Variants in KIAA0232 observed in about 807,000 individuals in gnomAD.
The protein encoded by KIAA0232 is uncharacterized protein KIAA0232.
In KIAA0232, 27 loss-of-function variants were observed where a neutral mutation model predicts 122.0. The observed-to-expected ratio is 0.22, with a 90% confidence interval of 0.16 to 0.31. KIAA0232 has a LOEUF of 0.31. Among genes scored for constraint, KIAA0232 ranks in the 10% least tolerant of loss-of-function variants. The pLI is 1.00. For synonymous variants in KIAA0232, 613 were observed against 587.6 expected (o/e 1.04, Z -0.63); for missense variants, 1,551 against 1,634.2 (o/e 0.95, Z 0.88).
intron 3 of KIAA0232, among the ~76,000 whole-genome samples, chr4:6,826,997 C>T (rs1276710317): frequency 6.6e-6 from 1 of 152,146 alleles, no homozygotes; most frequent in Non-Finnish European, 1.5e-5. Context: ...ATCCTCCCTC[C>T]AGAGTTCCGG....
intron 2 of KIAA0232, among the ~76,000 whole-genome samples, chr4:6,813,351 G>GTTTT (rs539648260): frequency 7.8e-5 from 11 of 140,700 alleles, no homozygotes; most frequent in Admixed American, 1.4e-4. Context: ...ACTTAGATCT[G>GTTTT]TTTTTTTTTT....
chr4:6,840,014 A>G (rs1197474489), intron 3 of KIAA0232, among the ~76,000 whole-genome samples: 5 of 152,184 alleles, frequency 3.3e-5, no homozygotes, highest in Admixed American at 1.3e-4. Context: ...CTCATTCACA[A>G]GCAACCCAAA....
At chr4:6,783,860 A>T (rs1325405546) in intron 1 of KIAA0232, among the ~76,000 whole-genome samples, 1 of 152,176 alleles carries the variant, frequency 6.6e-6, no homozygotes, top group Non-Finnish European at 1.5e-5. Flanking sequence ...CTTTCCAACA[A>T]TACGCGTCTG....
chr4:6,801,870 C>G lies in KIAA0232; in HGVS notation c.-353-2653C>G, dbSNP rs146136011. On this transcript the variant is annotated intron_variant, in intron 1 of 9. Coordinates refer to ENST00000307659, the MANE Select transcript of KIAA0232 (RefSeq NM_014743.3). ...TTTGTGCATGTGCTGAAATCATACTCTTTTAGCTTTAGAAGTTATTTGTAT... is the reference window on the plus strand; with the variant it reads ...TTTGTGCATGTGCTGAAATCATACTGTTTTAGCTTTAGAAGTTATTTGTAT... Among the ~76,000 whole-genome samples, 777 of 152,266 alleles carry G rather than the reference C, an allele frequency of 5.1e-3. 8 individuals are homozygous for G. The highest frequency in any genetic ancestry group is 8.5e-3 in the Non-Finnish European group (577 of 68,018).
chr4:6,847,466 T>G (rs1720027568), intron 4 of KIAA0232, among the ~76,000 whole-genome samples: 1 of 152,248 alleles, frequency 6.6e-6, no homozygotes, highest in Non-Finnish European at 1.5e-5. Context: ...TGTCAGAATT[T>G]AATTTTATAC....
intron 2 of KIAA0232, among the ~76,000 whole-genome samples, chr4:6,808,525 G>A (rs1036693211): frequency 2.0e-5 from 3 of 149,956 alleles, no homozygotes; most frequent in African/African-American, 7.4e-5. Context: ...AGTACAAGTT[G>A]CTTTACATAA....
intron 2 of KIAA0232, among the ~76,000 whole-genome samples, chr4:6,819,594 TA>T (rs1457639108): frequency 1.3e-5 from 2 of 152,080 alleles, no homozygotes; most frequent in Non-Finnish European, 2.9e-5. Flanking sequence ...CATTAGAAGT[TA>T]AAAAACAGAT....
intron 7 of KIAA0232, among the ~76,000 whole-genome samples, chr4:6,865,456 C>T (rs1308165010): frequency 2.6e-5 from 4 of 152,176 alleles, no homozygotes; most frequent in Admixed American, 6.5e-5. Context: ...TGCGCCACCA[C>T]GCCCGGCTAA....
intron 7 of KIAA0232, among the ~76,000 whole-genome samples, chr4:6,867,070 TG>T (rs1213492824): frequency 7.9e-5 from 12 of 152,398 alleles, no homozygotes; most frequent in Admixed American, 3.3e-4. Context: ...TTTTTCTTTT[TG>T]CTGAAATGGT....
At chr4:6,859,324 C>T (rs7676464) in intron 6 of KIAA0232, among the ~76,000 whole-genome samples, 42,274 of 151,724 alleles carry the variant, frequency 0.28, 7,611 homozygotes, top group Non-Finnish European at 0.4. Context: ...TTTAATCTTT[C>T]GAACCTCTGA....
Position 6,872,197 on chromosome 4 carries a change from T to C in KIAA0232, c.3910+515T>C, listed in dbSNP as rs537639332. On this transcript the variant is annotated intron_variant, in intron 8 of 9. Transcript: ENST00000307659. ...GAGGTTGTCAAGGTCAGATGTTGTT[T>C]AGAACAATTCTAGTAACAGAGTGGA... Among the ~76,000 whole-genome samples, 5 of 152,314 alleles carry C rather than the reference T, an allele frequency of 3.3e-5. No homozygotes were observed. In the South Asian group the frequency reaches 1.0e-3, roughly 32 times the overall value.
At chr4:6,866,160 C>G (rs750668265) in intron 7 of KIAA0232, 70 of 881,094 alleles carry the variant, frequency 7.9e-5, no homozygotes, top group Non-Finnish European at 9.4e-5. Flanking sequence ...TTAAATATTC[C>G]TTTATGTACT....
rs544470690 is a variant in KIAA0232 at position 6,786,561 on chromosome 4, A to G, written c.-354+3720A>G. 5.7e-4 allele frequency among the ~76,000 whole-genome samples: 87 copies of G among 151,924 alleles called. 1 individual carries two copies. The South Asian group carries it at 0.015, about 25-fold the overall frequency. On this transcript the variant is annotated intron_variant, in intron 1 of 9. Transcript: ENST00000307659. ...GGGCTCAAGCAATCCTCCCACCTCA[A>G]CCTCCCAAAGTGCTGGGATTACAAG...
chr4:6,800,582 G>T (rs1377507557), intron 1 of KIAA0232, among the ~76,000 whole-genome samples: 1 of 151,788 alleles, frequency 6.6e-6, no homozygotes, highest in Non-Finnish European at 1.5e-5. Context: ...GCAGGAGGCT[G>T]ATGCAGGAGA....
At position 6,861,967 on chromosome 4, in the gene KIAA0232, G is replaced by C; in HGVS notation, c.1585G>C (p.Gly529Arg). The change falls in exon 7 of 10, where the codon GGA (glycine) becomes CGA (arginine). Residue 529 changes from glycine (G) to arginine (R), a missense_variant. Gly to Arg is a moderately radical substitution (Grantham distance 125). This residue lies in a region of KIAA0232 where 1,108 missense variants were observed against 1,154.8 expected (regional missense o/e 0.96). Coordinates refer to ENST00000307659, the MANE Select transcript of KIAA0232 (RefSeq NM_014743.3). ...LDPGASETMQ[G>R]ESRILNMIRQ... The stretch of plus-strand genomic sequence containing the variant: ...TCCTGGTGCCTCAGAAACAATGCAA[G>C]GAGAAAGTCGGATTTTGAATATGAT... 1 of 1,614,092 alleles carries C rather than the reference G, an allele frequency of 6.2e-7. No homozygotes were observed. Among genetic ancestry groups the C allele is most frequent in the Non-Finnish European group, 8.5e-7 (1 of 1,179,982 alleles).
intron 4 of KIAA0232, among the ~76,000 whole-genome samples, chr4:6,852,095 T>G (rs1262210210): frequency 6.6e-6 from 1 of 152,328 alleles, no homozygotes; most frequent in South Asian, 2.1e-4. Context: ...AGATCATGTT[T>G]GAAGATATTT....
chr4:6,876,386 C>T (rs188737147), intron 8 of KIAA0232, among the ~76,000 whole-genome samples: 101 of 152,252 alleles, frequency 6.6e-4, no homozygotes, highest in African/African-American at 2.4e-3. Context: ...CAATGAGTGC[C>T]TCCTGGTAGA....
intron 1 of KIAA0232, among the ~76,000 whole-genome samples, chr4:6,790,450 G>A (rs58800358): frequency 0.019 from 2,757 of 144,668 alleles, 75 homozygotes; most frequent in African/African-American, 0.067. Context: ...GCTGGAGTGC[G>A]GTGGCACGAT....
chr4:6,794,878 T>C (rs1285289070), intron 1 of KIAA0232, among the ~76,000 whole-genome samples: 3 of 152,304 alleles, frequency 2.0e-5, no homozygotes, highest in East Asian at 3.9e-4. Flanking sequence ...AGACATGTTA[T>C]AAGTTTGAGA....
Sources: gnomAD v4.1 joint callset for allele counts (sites outside exome capture counted in the v4.1 genomes callset) on GRCh38, gnomAD v4.1.1 for gene constraint, gnomAD v4.1.1 regional missense constraint, MANE v1.5 for transcripts, NCBI Gene and HGNC (gene_info 2026-07-23, HGNC 2026-07-21) for gene names.